Variants in SEMA6B observed in about 807,000 individuals in gnomAD.
SEMA6B encodes the protein semaphorin-6B.
Under a neutral mutation model 78.6 loss-of-function variants are expected in SEMA6B, and 47 were observed. That is an observed-to-expected ratio of 0.60 (90% CI 0.47 to 0.76). The LOEUF (loss-of-function observed/expected upper bound fraction) is 0.76. Ranked by LOEUF, SEMA6B falls within the 30% of genes least tolerant of loss-of-function variation. The pLI is 0.00. For missense variants in SEMA6B, 1,213 were observed against 1,269.9 expected (o/e 0.96, Z 0.68); for synonymous variants, 632 against 592.2 (o/e 1.07, Z -0.98).
Position 4,544,634 on chromosome 19 carries a change from T to A in SEMA6B, c.1739-105A>T. 1 of 592,352 alleles carries A rather than the reference T, an allele frequency of 1.7e-6. No individual in the cohort carries two copies. The highest frequency in any genetic ancestry group is 2.5e-6 in the Non-Finnish European group (1 of 400,566). 36.7% of individuals were successfully genotyped at this position (592,352 alleles called of 1,614,324 possible). ...TCCTCTTTTTTATTATTTTTATTTT[T>A]TTTTATTTATTTATTTTTTGAGAAG... On this transcript the variant is annotated intron_variant, in intron 16 of 16. Transcript: ENST00000586582. The surrounding 1 kb of genome is among the most constrained non-coding windows in gnomAD (Gnocchi z 5.1).
rs1305450445 is a variant in SEMA6B at position 4,550,830 on chromosome 19, G to A, written c.1090C>T (p.Pro364Ser). ...CGAGGCACCTGATCCTCCGGCACCG[G>A]CGTCCAGATGGACTCGGGGGACTTC... ...EQKSPESIWT[P>S]VPEDQVPRPR... Residue 364 changes from proline (P) to serine (S), a missense_variant, in exon 11 of 17, where the codon CCG (proline) becomes TCG (serine). Transcript: ENST00000586582. The surrounding 1 kb of genome is among the most constrained non-coding windows in gnomAD (Gnocchi z 6.6). The A allele has an allele frequency of 4.3e-6, 7 of 1,613,410 alleles. No individual in the cohort carries two copies. In the Admixed American group the frequency reaches 1.0e-4, roughly 23 times the overall value.
chr19:4,552,326 ACCTAGCACCCAG>A lies in SEMA6B; in HGVS notation c.989+84_989+95del. On this transcript the variant is annotated intron_variant, in intron 10 of 16. Transcript: ENST00000586582. This position sits in a 1 kb window ranked among gnomAD's most constrained non-coding sequence, Gnocchi z 7.4. ...CAGAGGTCTAATCCAGTGGTGCCCA[ACCTAGCACCCAG>A]GGCATACCTGAGGAGTGAATACAGG... The A allele has an allele frequency of 7.9e-7, 1 of 1,264,048 alleles. No individual in the cohort carries two copies. Among genetic ancestry groups the A allele is most frequent in the Non-Finnish European group, 1.1e-6 (1 of 912,232 alleles). 78.3% of individuals were successfully genotyped at this position (1,264,048 alleles called of 1,614,324 possible).
rs529300067 is a variant in SEMA6B, at chr19:4,548,184, G to A, written c.1455-11C>T. The stretch of plus-strand genomic sequence containing the variant: ...CCGGGCCGTCCACACCTGGGGACAA[G>A]CAGAGTGGTGAGGCTGAGCGCATCT... On this transcript the variant is annotated splice_polypyrimidine_tract_variant and intron_variant, in intron 13 of 16. Coordinates refer to ENST00000586582, the MANE Select transcript of SEMA6B (RefSeq NM_032108.4). 66 of 1,588,194 alleles carry A rather than the reference G, an allele frequency of 4.2e-5. No homozygotes were observed. In the South Asian group the frequency reaches 7.1e-4, roughly 17 times the overall value.
chr19:4,547,416 C>A (rs555318933), intron 14 of SEMA6B, among the ~76,000 whole-genome samples: 1 of 152,236 alleles, frequency 6.6e-6, no homozygotes, highest in African/African-American at 2.4e-5. Context: ...GCCCAGGCAT[C>A]GTGCCAGAGG....
chr19:4,545,500 G>A (rs1224445371), intron 16 of SEMA6B, among the ~76,000 whole-genome samples: 1 of 152,014 alleles, frequency 6.6e-6, no homozygotes, highest in Non-Finnish European at 1.5e-5. Flanking sequence ...GCCACGTCTG[G>A]ATTATTTTTG....
chr19:4,549,474 G>T (rs76327543), intron 12 of SEMA6B, among the ~76,000 whole-genome samples: 5 of 144,110 alleles, frequency 3.5e-5, no homozygotes, highest in African/African-American at 1.3e-4. Context: ...GCTAATTTTT[G>T]TATTTTATTT....
In SEMA6B at chr19:4,550,520, C is replaced by G. The variant is rs1352520686; in HGVS notation, c.1122-248G>C. On this transcript the variant is annotated intron_variant, in intron 11 of 16. Transcript: ENST00000586582. This position sits in a 1 kb window ranked among gnomAD's most constrained non-coding sequence, Gnocchi z 6.6. Reference sequence around the variant, plus strand: ...CTGGGATTACAGGCACGTGCCATCACGCCCGGCTAATTTTTGTATTTTTAG... The same window carrying G: ...CTGGGATTACAGGCACGTGCCATCAGGCCCGGCTAATTTTTGTATTTTTAG... Among the ~76,000 whole-genome samples, 1 of 152,096 alleles carries G rather than the reference C, an allele frequency of 6.6e-6. No homozygotes were observed. The highest frequency in any genetic ancestry group is 6.5e-5 in the Admixed American group (1 of 15,272).
Position 4,552,285 on chromosome 19 carries a change from T to G in SEMA6B, c.989+137A>C. 1 of 836,508 alleles carries G rather than the reference T, an allele frequency of 1.2e-6. No homozygotes were observed. Among genetic ancestry groups the G allele is most frequent in the Non-Finnish European group, 1.9e-6 (1 of 537,002 alleles). The allele number at this position is 836,508 out of a possible 1,614,324, so 51.8% of individuals were successfully genotyped here. On this transcript the variant is annotated intron_variant, in intron 10 of 16. Coordinates refer to ENST00000586582, the MANE Select transcript of SEMA6B (RefSeq NM_032108.4). This position sits in a 1 kb window ranked among gnomAD's most constrained non-coding sequence, Gnocchi z 7.4. ...AGTGTCAGCTTGTCCCACCCCAGCC[T>G]GGGGCCGAGGCCTCTCAGAGGTCTA...
In SEMA6B at chr19:4,554,959, G is replaced by A; in HGVS notation, c.682+17C>T. 6.2e-7 allele frequency: 1 copy of A among 1,612,002 alleles called. No homozygotes were observed. The highest frequency in any genetic ancestry group is 8.5e-7 in the Non-Finnish European group (1 of 1,178,610). ...GGGCCCTGCCAGGTCTGGGCCCACT[G>A]CCCTTCCTGGTCTCACCTTTGAACC... On this transcript the variant is annotated intron_variant, in intron 8 of 16. Transcript: ENST00000586582.
chr19:4,551,151 G>A (rs527765850), intron 10 of SEMA6B, among the ~76,000 whole-genome samples: 47 of 151,248 alleles, frequency 3.1e-4, no homozygotes, highest in African/African-American at 9.7e-4. Context: ...CCCTGTCCAG[G>A]CCCCCATCCC....
At position 4,544,569 on chromosome 19, in the gene SEMA6B, G is replaced by A; in HGVS notation, c.1739-40C>T. 1 of 1,336,448 alleles carries A rather than the reference G, an allele frequency of 7.5e-7. No individual in the cohort carries two copies. Among genetic ancestry groups the A allele is most frequent in the Non-Finnish European group, 9.8e-7 (1 of 1,016,218 alleles). The allele number at this position is 1,336,448 out of a possible 1,614,324, so 82.8% of individuals were successfully genotyped here. The stretch of plus-strand genomic sequence containing the variant: ...CAGGGGGGTTAGTGGGGCCGGCGGG[G>A]TGGCCCTGGGCATCCCTCCTACCTC... On this transcript the variant is annotated intron_variant, in intron 16 of 16. Transcript: ENST00000586582. This position sits in a 1 kb window ranked among gnomAD's most constrained non-coding sequence, Gnocchi z 5.1.
At position 4,548,308 on chromosome 19, in the gene SEMA6B, C is replaced by A; in HGVS notation, c.1409G>T (p.Gly470Val). 1 of 1,613,874 alleles carries A rather than the reference C, an allele frequency of 6.2e-7. No homozygotes were observed. Residue 470 changes from glycine (G) to valine (V), a missense_variant, in exon 13 of 17, where the codon GGG becomes GTG. Transcript: ENST00000586582. ...RPNASTSGTS[G>V]LSVFLEEFET... ...AAACTCCTCCAGGAAGACACTGAGC[C>A]CAGACGTCCCTGAGGTGCTGGCATT...
In SEMA6B at chr19:4,550,283, C is replaced by T. The variant is rs763120304; in HGVS notation, c.1122-11G>A. The T allele has an allele frequency of 2.5e-6, 4 of 1,613,496 alleles. No individual in the cohort carries two copies. The Admixed American group carries it at 6.7e-5, about 27-fold the overall frequency. On this transcript the variant is annotated splice_polypyrimidine_tract_variant and intron_variant, in intron 11 of 16. Transcript: ENST00000586582. The surrounding 1 kb of genome is among the most constrained non-coding windows in gnomAD (Gnocchi z 6.6). Reference sequence around the variant, plus strand: ...GCGCAGCACCCGGGCCTGGGGGTGACAAGGGTGTGGTCAGGACGAACGTAA... The same window carrying T: ...GCGCAGCACCCGGGCCTGGGGGTGATAAGGGTGTGGTCAGGACGAACGTAA...
In SEMA6B at chr19:4,558,483, G is replaced by T; in HGVS notation, c.-26C>A. On this transcript the variant is annotated 5_prime_UTR_variant, in exon 2 of 17. Coordinates refer to ENST00000586582, the MANE Select transcript of SEMA6B (RefSeq NM_032108.4). The surrounding 1 kb of genome is among the most constrained non-coding windows in gnomAD (Gnocchi z 5.1). Reference sequence around the variant, plus strand: ...GGCGAGGGCCAGGCGACAGGAGGAGGTGACGCCTGCGGGCAAGGGGCGGCG... The same window carrying T: ...GGCGAGGGCCAGGCGACAGGAGGAGTTGACGCCTGCGGGCAAGGGGCGGCG... 8.1e-6 allele frequency: 10 copies of T among 1,237,848 alleles called. No homozygotes were observed. Among genetic ancestry groups the T allele is most frequent in the Non-Finnish European group, 9.1e-6 (9 of 988,206 alleles). The allele number at this position is 1,237,848 out of a possible 1,614,324, so 76.7% of individuals were successfully genotyped here.
chr19:4,544,070 CGGGGGCCCAGGGCGT>C lies in SEMA6B; in HGVS notation c.2183_2197del (p.His728_Pro732del). 4 of 1,230,490 alleles carry C rather than the reference CGGGGGCCCAGGGCGT, an allele frequency of 3.3e-6. No individual in the cohort carries two copies. Among genetic ancestry groups the C allele is most frequent in the Non-Finnish European group, 4.1e-6 (4 of 987,028 alleles). The allele number at this position is 1,230,490 out of a possible 1,614,324, so 76.2% of individuals were successfully genotyped here. On this transcript the variant is annotated inframe_deletion, in exon 17 of 17. Coordinates refer to ENST00000586582, the MANE Select transcript of SEMA6B (RefSeq NM_032108.4). This position sits in a 1 kb window ranked among gnomAD's most constrained non-coding sequence, Gnocchi z 5.1. ...CAGGGGGTGGCCGTGGTCCCAGGCG[CGGGGGCCCAGGGCGT>C]GGGGGTGCGGGTGCGGAGTGGGCAG...
Position 4,556,072 on chromosome 19 carries a change from G to GAAGTTTC in SEMA6B, c.380_386dup (p.Phe129LeufsTer62). The GAAGTTTC allele has an allele frequency of 6.2e-7, 1 of 1,614,004 alleles. No homozygotes were observed. The highest frequency in any genetic ancestry group is 8.5e-7 in the Non-Finnish European group (1 of 1,179,892). On this transcript the variant is annotated frameshift_variant, in exon 6 of 17. Coordinates refer to ENST00000586582, the MANE Select transcript of SEMA6B (RefSeq NM_032108.4). LOFTEE classifies it high-confidence loss of function. Reference sequence around the variant, plus strand: ...CGTCCCGAAGGAGCAGCACCTTTACGAAGTTTCGACACTCGCCCTGAGGTG... The same window carrying GAAGTTTC: ...CGTCCCGAAGGAGCAGCACCTTTACGAAGTTTCAAGTTTCGACACTCGCCCTGAGGTG...
rs1217696500 is a variant in SEMA6B at position 4,544,090 on chromosome 19, G to T, written c.2178C>A (p.His726Gln). ...PQKRLPTPHPHPHALGPRAWD... is the reference protein window; with the variant it reads ...PQKRLPTPHPQPHALGPRAWD... Reference sequence around the variant, plus strand: ...AGGCGCGGGGGCCCAGGGCGTGGGGGTGCGGGTGCGGAGTGGGCAGGCGCT... The same window carrying T: ...AGGCGCGGGGGCCCAGGGCGTGGGGTTGCGGGTGCGGAGTGGGCAGGCGCT... The change falls in exon 17 of 17, where the codon CAC becomes CAA. Residue 726 changes from histidine (H) to glutamine (Q), a missense_variant. Transcript: ENST00000586582. The surrounding 1 kb of genome is among the most constrained non-coding windows in gnomAD (Gnocchi z 5.1). 6 of 1,257,642 alleles carry T rather than the reference G, an allele frequency of 4.8e-6. No homozygotes were observed. The highest frequency in any genetic ancestry group is 4.2e-5 in the Admixed American group (1 of 23,926). The allele number at this position is 1,257,642 out of a possible 1,614,324, so 77.9% of individuals were successfully genotyped here. A position where few individuals can be genotyped will look rare whatever the true frequency, so the allele number is the denominator to read the frequency against.
chr19:4,552,502 G>T lies in SEMA6B; in HGVS notation c.909C>A (p.Asn303Lys). ...SVPGDSHFYF[N>K]VLQAVTGVVS... ...CCACGCCCGTGACAGCCTGCAGCACGTTGAAGTAGAAATGGGAGTCTCCGG... is the reference window on the plus strand; with the variant it reads ...CCACGCCCGTGACAGCCTGCAGCACTTTGAAGTAGAAATGGGAGTCTCCGG... Residue 303 changes from asparagine to lysine, a missense_variant, in exon 10 of 17, where the codon AAC becomes AAA. Asn to Lys is a moderately conservative substitution (Grantham distance 94). Transcript: ENST00000586582. This position sits in a 1 kb window ranked among gnomAD's most constrained non-coding sequence, Gnocchi z 7.4. 6.2e-7 allele frequency: 1 copy of T among 1,612,534 alleles called. No homozygotes were observed. Among genetic ancestry groups the T allele is most frequent in the Non-Finnish European group, 8.5e-7 (1 of 1,179,838 alleles).
At chr19:4,549,085 C>CAA (rs1449323372) in intron 12 of SEMA6B, among the ~76,000 whole-genome samples, 2 of 152,162 alleles carry the variant, frequency 1.3e-5, no homozygotes, top group East Asian at 3.9e-4. Flanking sequence ...CTTAGCCTCT[C>CAA]AAAGTGCTGG....
Sources: allele counts gnomAD v4.1 joint callset (sites outside exome capture counted in the v4.1 genomes callset), GRCh38; gene constraint gnomAD v4.1.1; non-coding constraint Gnocchi (gnomAD v3.1); transcripts MANE v1.5; gene names NCBI Gene and HGNC (gene_info 2026-07-23, HGNC 2026-07-21).